CSMD3: variants seen among roughly 807,000 people sequenced by gnomAD.
CSMD3 encodes CUB and Sushi multiple domains 3.
In CSMD3, 177 loss-of-function variants were observed where a neutral mutation model predicts 435.2. The ratio of observed to expected loss-of-function variants is 0.41; its 90% CI spans 0.36 to 0.46. CSMD3 has a LOEUF of 0.46. Ranked by LOEUF, CSMD3 falls within the 20% of genes least tolerant of loss-of-function variation. The pLI, the probability that CSMD3 is intolerant of heterozygous loss-of-function variation, is 0.34. For missense variants in CSMD3, 4,265 were observed against 4,504.6 expected (o/e 0.95, Z 1.52); for synonymous variants, 1,656 against 1,520.5 (o/e 1.09, Z -2.07).
At chr8:112,536,340 C>A (rs908209163) in intron 27 of CSMD3, among the ~76,000 whole-genome samples, 4 of 152,120 alleles carry the variant, frequency 2.6e-5, no homozygotes, top group Admixed American at 6.6e-5. Flanking sequence ...AACTAAACAA[C>A]CCCATCAAAA....
chr8:112,421,600 A>G (rs1314430428), intron 32 of CSMD3, among the ~76,000 whole-genome samples: 2 of 147,156 alleles, frequency 1.4e-5, no homozygotes, highest in African/African-American at 4.9e-5. Flanking sequence ...TATTACATAT[A>G]ATAATATATG....
In CSMD3 at chr8:113,264,428, C is replaced by G. The variant is rs557509724; in HGVS notation, c.514+14164G>C. ...TATATATATATATATGAAGGAAATTCATTGTGAAACAGGATTACATAATAA... is the reference window on the plus strand; with the variant it reads ...TATATATATATATATGAAGGAAATTGATTGTGAAACAGGATTACATAATAA... On this transcript the variant is annotated intron_variant, in intron 3 of 70. Transcript: ENST00000297405. Among the ~76,000 whole-genome samples the G allele has an allele frequency of 5.5e-3, 826 of 150,794 alleles. 18 individuals carry two copies. Among genetic ancestry groups the G allele is most frequent in the Non-Finnish European group, 5.0e-3 (337 of 67,360 alleles).
At chr8:113,019,233 C>T (rs2131171885) in intron 5 of CSMD3, 54 bp from the exon 6 acceptor site, 1 of 1,170,716 alleles carries the variant, frequency 8.5e-7, no homozygotes, top group South Asian at 1.2e-5. Flanking sequence ...CAGCAGTAAA[C>T]GTTTTCACAA....
At chr8:112,536,720 G>C (rs1306271024) in intron 27 of CSMD3, among the ~76,000 whole-genome samples, 3 of 149,342 alleles carry the variant, frequency 2.0e-5, no homozygotes, top group Non-Finnish European at 4.4e-5. Context: ...ACACGCATGC[G>C]TATGTTTATT....
intron 30 of CSMD3, among the ~76,000 whole-genome samples, chr8:112,494,486 C>CTCTCT (rs1821053375): frequency 1.1e-5 from 1 of 93,166 alleles, no homozygotes; most frequent in African/African-American, 3.1e-5. Context: ...TCTTTTGTTT[C>CTCTCT]TTTCTCTCCT....
chr8:113,056,893 A>G (rs1460382632), intron 5 of CSMD3, among the ~76,000 whole-genome samples: 5 of 152,168 alleles, frequency 3.3e-5, no homozygotes, highest in African/African-American at 4.8e-5. Context: ...TGGGCTTTAC[A>G]TAGCCTGGAA....
intron 1 of CSMD3, chr8:113,377,184 G>T (rs1042312900): frequency 3.4e-6 from 4 of 1,184,800 alleles, no homozygotes; most frequent in African/African-American, 1.6e-5. Flanking sequence ...CCCTACATCC[G>T]CTCCAATGGC....
At chr8:112,993,699 G>A (rs1174699926) in intron 6 of CSMD3, among the ~76,000 whole-genome samples, 2 of 151,642 alleles carry the variant, frequency 1.3e-5, no homozygotes, top group East Asian at 3.9e-4. Context: ...ATTTTAAAAG[G>A]AGCATAATAG....
In CSMD3 at chr8:113,189,787, A is replaced by G. The variant is rs1477272441; in HGVS notation, c.515-15871T>C. 3.3e-5 allele frequency among the ~76,000 whole-genome samples: 5 copies of G among 151,816 alleles called. 1 individual carries two copies. Among genetic ancestry groups the G allele is most frequent in the Admixed American group, 6.6e-5 (1 of 15,192 alleles). ...CTTCTTCTCTAACTTTTCCTGTTGAAAAATCAGAGCAAGTCACATGAACTC... is the reference window on the plus strand; with the variant it reads ...CTTCTTCTCTAACTTTTCCTGTTGAGAAATCAGAGCAAGTCACATGAACTC... On this transcript the variant is annotated intron_variant, in intron 3 of 70. Coordinates refer to ENST00000297405, the MANE Select transcript of CSMD3 (RefSeq NM_198123.2).
chr8:112,842,725 T>C (rs1343367808), intron 11 of CSMD3, among the ~76,000 whole-genome samples: 1 of 151,832 alleles, frequency 6.6e-6, no homozygotes, highest in Non-Finnish European at 1.5e-5. Flanking sequence ...ACTTTTTATA[T>C]TTGTGTATTA....
At chr8:112,485,038 G>C (rs892222383) in intron 31 of CSMD3, among the ~76,000 whole-genome samples, 13 of 152,126 alleles carry the variant, frequency 8.5e-5, no homozygotes, top group African/African-American at 3.1e-4. Flanking sequence ...GCAGGGATTT[G>C]TTTATAACAA....
chr8:113,236,511 T>A (rs1269751801), intron 3 of CSMD3, among the ~76,000 whole-genome samples: 9 of 151,628 alleles, frequency 5.9e-5, no homozygotes, highest in African/African-American at 2.2e-4. Context: ...TAGTGCTCTC[T>A]GTCTCTCTCT....
chr8:112,289,716 T>C (rs2130660413), intron 56 of CSMD3, among the ~76,000 whole-genome samples, 178 bp from the exon 57 acceptor site: 1 of 152,254 alleles, frequency 6.6e-6, no homozygotes, highest in South Asian at 2.1e-4. Context: ...TTTGCAGCTA[T>C]AGCAGCTGTT....
intron 22 of CSMD3, among the ~76,000 whole-genome samples, chr8:112,612,709 C>CTTTTTTTTTTTTTTTTTT (rs532290154): frequency 2.4e-4 from 16 of 65,888 alleles, no homozygotes; most frequent in East Asian, 4.9e-4. Flanking sequence ...TTTCTTTGTT[C>CTTTTTTTTTTTTTTTTTT]TTTTTTTTTT....
chr8:112,848,368 T>G (rs957125397), intron 11 of CSMD3, among the ~76,000 whole-genome samples: 1 of 152,142 alleles, frequency 6.6e-6, no homozygotes, highest in African/African-American at 2.4e-5. Flanking sequence ...TGTGCTGTAT[T>G]AAAGCACCTA....
rs533881114 is a variant in CSMD3, at chr8:112,527,600, T to A, written c.4565-10375A>T. On this transcript the variant is annotated intron_variant, in intron 27 of 70. Transcript: ENST00000297405. ...TTATAAAACACTTCAAAAACAATGGTAATATACTTTTTTTTAGGTAGGTGC... is the reference window on the plus strand; with the variant it reads ...TTATAAAACACTTCAAAAACAATGGAAATATACTTTTTTTTAGGTAGGTGC... Among the ~76,000 whole-genome samples the A allele has an allele frequency of 3.6e-3, 542 of 151,902 alleles. 1 individual carries two copies. The highest frequency in any genetic ancestry group is 0.013 in the African/African-American group (520 of 41,392).
chr8:112,962,561 A>T (rs1488408162), intron 7 of CSMD3, among the ~76,000 whole-genome samples: 1 of 151,882 alleles, frequency 6.6e-6, no homozygotes, highest in Non-Finnish European at 1.5e-5. Context: ...AAGAAACAGA[A>T]GAAAATTAAT....
intron 38 of CSMD3, among the ~76,000 whole-genome samples, chr8:112,364,773 T>C (rs1827599875): frequency 6.6e-6 from 1 of 151,990 alleles, no homozygotes; most frequent in African/African-American, 2.4e-5. Flanking sequence ...TCCCTAGCAA[T>C]AAAAATGATT....
intron 32 of CSMD3, among the ~76,000 whole-genome samples, chr8:112,430,859 G>C (rs1288014106): frequency 6.6e-6 from 1 of 151,038 alleles, no homozygotes; most frequent in East Asian, 2.0e-4. Context: ...AGAGGGAAAA[G>C]GGATTTAATT....
Sources: allele counts gnomAD v4.1 joint callset (sites outside exome capture counted in the v4.1 genomes callset), GRCh38; gene constraint gnomAD v4.1.1; transcripts MANE v1.5; gene names NCBI Gene and HGNC (gene_info 2026-07-23, HGNC 2026-07-21).